WIPF3: variants seen among roughly 807,000 people sequenced by gnomAD.
The protein encoded by WIPF3 is WAS/WASL-interacting protein family member 3.
A neutral mutation model predicts 38.9 loss-of-function variants in WIPF3; 33 were observed. The ratio of observed to expected loss-of-function variants is 0.85; its 90% CI spans 0.64 to 1.14. The LOEUF (loss-of-function observed/expected upper bound fraction) is 1.14. Among genes scored for constraint, WIPF3 ranks in the 50% most tolerant of loss-of-function variants. The pLI, the probability that WIPF3 is intolerant of heterozygous loss-of-function variation, is 0.00. For missense variants in WIPF3, 711 were observed against 652.5 expected, an observed-to-expected ratio of 1.09 and a Z score of -0.98; for synonymous variants, 324 against 269.3, an observed-to-expected ratio of 1.20 and a Z score of -1.99.
chr7:29,831,832 TAGC>T (rs2128064890), intron 1 of WIPF3, among the ~76,000 whole-genome samples: 1 of 152,212 alleles, frequency 6.6e-6, no homozygotes, highest in South Asian at 2.1e-4. Context: ...CCAGAAGTAA[TAGC>T]ACATCACTTC....
chr7:29,828,921 G>T (rs751969612), intron 1 of WIPF3, among the ~76,000 whole-genome samples: 2 of 152,210 alleles, frequency 1.3e-5, no homozygotes, highest in African/African-American at 4.8e-5. Flanking sequence ...GAAGATGCTT[G>T]CAGGGTAGCT....
chr7:29,811,254 TATGATGATGATGATGATGATG>T (rs60111327), intron 1 of WIPF3, among the ~76,000 whole-genome samples: 2 of 149,088 alleles, frequency 1.3e-5, no homozygotes, highest in African/African-American at 4.9e-5. Flanking sequence ...AATTAGCCAT[TATGATGATGATGATGATGATG>T]ATGATGATGA....
chr7:29,867,496 ATTAT>A (rs1358369597), intron 2 of WIPF3, among the ~76,000 whole-genome samples: 1 of 149,566 alleles, frequency 6.7e-6, no homozygotes, highest in African/African-American at 2.5e-5. Flanking sequence ...CTAACTAGGT[ATTAT>A]TTATTAGTTA....
chr7:29,888,382 A>G lies in WIPF3; in HGVS notation c.1249+165A>G, dbSNP rs528598185. 1.6e-4 allele frequency among the ~76,000 whole-genome samples: 25 copies of G among 152,290 alleles called. No homozygotes were observed. In the South Asian group the frequency reaches 4.4e-3, roughly 27 times the overall value. ...CCAACCAGCCCATAGGTTCTGTTAA[A>G]TAGGGTTCCTTTCAAGGCTTTCTGC... On this transcript the variant is annotated intron_variant, in intron 6 of 8. Transcript: ENST00000242140.
At chr7:29,826,427 C>G (rs1207548198) in intron 1 of WIPF3, among the ~76,000 whole-genome samples, 1 of 152,190 alleles carries the variant, frequency 6.6e-6, no homozygotes, top group Non-Finnish European at 1.5e-5. Context: ...TCACCCTCCA[C>G]TGGAGTTTGG....
Position 29,916,188 on chromosome 7 carries a change from C to CT in WIPF3, c.*1673dup, listed in dbSNP as rs1239469759. 6.6e-6 allele frequency: 1 copy of CT among 152,188 alleles called. No homozygotes were observed. The highest frequency in any genetic ancestry group is 1.5e-5 in the Non-Finnish European group (1 of 68,036). 9.4% of individuals were successfully genotyped at this position (152,188 alleles called of 1,614,324 possible). ...TGCAGGTCATCAGCTCTGGGCATAA[C>CT]TAATTTGTTTTATTGGTTCTGGAAG... is the stretch of plus-strand genomic sequence containing the variant. On this transcript the variant is annotated 3_prime_UTR_variant, in exon 9 of 9. Transcript: ENST00000242140.
At chr7:29,818,532 A>G (rs1784490667) in intron 1 of WIPF3, among the ~76,000 whole-genome samples, 1 of 148,480 alleles carries the variant, frequency 6.7e-6, no homozygotes, top group African/African-American at 2.4e-5. Context: ...TTAAAATTAT[A>G]TAATATTATA....
intron 2 of WIPF3, among the ~76,000 whole-genome samples, chr7:29,842,281 G>T (rs761814470): frequency 6.6e-6 from 1 of 152,202 alleles, no homozygotes; most frequent in Non-Finnish European, 1.5e-5. Flanking sequence ...TTCACCTAGG[G>T]CAGGCCATGT....
In WIPF3 at chr7:29,914,675, AT is replaced by A. The variant is rs1427638314; in HGVS notation, c.*163del. 1 of 467,048 alleles carries A rather than the reference AT, an allele frequency of 2.1e-6. No individual in the cohort carries two copies. The highest frequency in any genetic ancestry group is 2.0e-5 in the African/African-American group (1 of 49,220). 28.9% of individuals were successfully genotyped at this position (467,048 alleles called of 1,614,324 possible). A position where few individuals can be genotyped will look rare whatever the true frequency, so the allele number is the denominator to read the frequency against. On this transcript the variant is annotated 3_prime_UTR_variant, in exon 9 of 9. Transcript: ENST00000242140. ...TGATTTGCACGGGCTTTAAAGCAGT[AT>A]TTTAATTGACTTTTATTTCGGTAAT...
At position 29,899,681 on chromosome 7, in the gene WIPF3, T is replaced by C. The variant is rs543978802; in HGVS notation, c.1352-4605T>C. On this transcript the variant is annotated intron_variant, in intron 7 of 8. Coordinates refer to ENST00000242140, the MANE Select transcript of WIPF3 (RefSeq NM_001080529.3). ...GAGGCAGAGCCACACAATGGAACGC[T>C]ATGTAACCATTACAAAATGGGGCTA... Among the ~76,000 whole-genome samples the C allele has an allele frequency of 4.6e-5, 7 of 152,366 alleles. 1 individual carries two copies. The South Asian group carries it at 1.4e-3, about 32-fold the overall frequency.
At position 29,889,273 on chromosome 7, in the gene WIPF3, C is replaced by G. The variant is rs772472337; in HGVS notation, c.1250-33C>G. On this transcript the variant is annotated intron_variant, in intron 6 of 8. Transcript: ENST00000242140. ...TCAAAACTTGGATCATGACAGTAAC[C>G]TGAGTAACTCTTTCCATTTCGCTTG... is the stretch of plus-strand genomic sequence containing the variant. The G allele has an allele frequency of 4.3e-5, 68 of 1,563,828 alleles. 1 individual carries two copies. The South Asian group carries it at 7.1e-4, about 16-fold the overall frequency.
intron 2 of WIPF3, among the ~76,000 whole-genome samples, chr7:29,846,135 T>C (rs546652817): frequency 3.3e-4 from 50 of 152,354 alleles, no homozygotes; most frequent in African/African-American, 1.2e-3. Context: ...GACAGCAAAA[T>C]TTAATACTTG....
At chr7:29,870,331 T>C (rs768268651) in intron 2 of WIPF3, among the ~76,000 whole-genome samples, 9 of 152,096 alleles carry the variant, frequency 5.9e-5, no homozygotes, top group Non-Finnish European at 1.2e-4. Context: ...ACTCTGTCTG[T>C]TGTGTGGGGG....
chr7:29,851,230 C>T (rs528505900), intron 2 of WIPF3, among the ~76,000 whole-genome samples: 14 of 152,224 alleles, frequency 9.2e-5, no homozygotes, highest in African/African-American at 1.9e-4. Context: ...AGGTGGGGGA[C>T]GGAGATTGAA....
At chr7:29,850,277 G>A (rs1049994510) in intron 2 of WIPF3, among the ~76,000 whole-genome samples, 1 of 152,192 alleles carries the variant, frequency 6.6e-6, no homozygotes, top group African/African-American at 2.4e-5. Context: ...AGCAATGGTT[G>A]ATGTAAAATT....
At chr7:29,877,456 C>T (rs1411027727) in intron 3 of WIPF3, among the ~76,000 whole-genome samples, 1 of 152,176 alleles carries the variant, frequency 6.6e-6, no homozygotes, top group African/African-American at 2.4e-5. Context: ...ACAGCTGATC[C>T]GGGTATTCTG....
At chr7:29,831,501 C>T (rs555714832) in intron 1 of WIPF3, among the ~76,000 whole-genome samples, 10 of 152,338 alleles carry the variant, frequency 6.6e-5, no homozygotes, top group East Asian at 1.9e-4. Flanking sequence ...GTAATCATCA[C>T]GCTCTGTGTT....
At chr7:29,883,577 C>T (rs1309905284) in intron 4 of WIPF3, among the ~76,000 whole-genome samples, 2 of 152,114 alleles carry the variant, frequency 1.3e-5, no homozygotes, top group Non-Finnish European at 2.9e-5. Flanking sequence ...TACTAGAGGC[C>T]CAAGGCAGAT....
intron 8 of WIPF3, among the ~76,000 whole-genome samples, chr7:29,909,594 T>C (rs1215916238): frequency 6.6e-6 from 1 of 151,968 alleles, no homozygotes; most frequent in African/African-American, 2.4e-5. Flanking sequence ...CAAGACCAAA[T>C]CACAATGAAA....
Sources: allele counts gnomAD v4.1 joint callset (sites outside exome capture counted in the v4.1 genomes callset), GRCh38; gene constraint gnomAD v4.1.1; transcripts MANE v1.5; gene names NCBI Gene and HGNC (gene_info 2026-07-23, HGNC 2026-07-21).